Variants in DNAH6 observed in about 807,000 individuals in gnomAD.
DNAH6 encodes axonemal beta dynein heavy chain 6.
Under a neutral mutation model 491.4 loss-of-function variants are expected in DNAH6, and 340 were observed. That is an observed-to-expected ratio of 0.69 (90% confidence interval 0.63 to 0.76). The LOEUF (loss-of-function observed/expected upper bound fraction) is 0.76, where lower values mean the gene tolerates loss of function less well. DNAH6 is among the 30% of genes least tolerant of loss of function. The pLI, the probability that DNAH6 is intolerant of heterozygous loss-of-function variation, is 0.00. For synonymous variants in DNAH6, 1,603 were observed against 1,686.1 expected (o/e 0.95, Z 1.21); for missense variants, 4,443 against 4,972.2 (o/e 0.89, Z 3.20).
chr2:84,589,641 G>A (rs1053797956), intron 16 of DNAH6, among the ~76,000 whole-genome samples: 2 of 151,492 alleles, frequency 1.3e-5, no homozygotes, highest in African/African-American at 4.9e-5. Flanking sequence ...GAGCCCAGGA[G>A]GCGGAGGTTG....
the DNAH6 span, among the ~76,000 whole-genome samples, chr2:84,460,764 C>T: frequency 6.6e-6 from 1 of 152,192 alleles, no homozygotes; most frequent in Non-Finnish European, 1.5e-5. Context: ...AACTGCACCC[C>T]TGTGGCAGAC....
chr2:84,558,437 AAAG>A (rs1036733214), intron 11 of DNAH6, among the ~76,000 whole-genome samples: 7 of 151,970 alleles, frequency 4.6e-5, no homozygotes, highest in African/African-American at 1.7e-4. Context: ...AAAAAAAAAA[AAAG>A]GCATTAAAAT....
chr2:84,699,554 T>C (rs1169306759), intron 47 of DNAH6, 40 bp from the exon 48 acceptor site: 2 of 1,517,134 alleles, frequency 1.3e-6, no homozygotes, highest in East Asian at 2.5e-5. Flanking sequence ...TGTTGCTTAA[T>C]CATTATTTTA....
chr2:84,815,771 A>C, intron 75 of DNAH6, 90 bp from the exon 76 acceptor site: 1 of 907,322 alleles, frequency 1.1e-6, no homozygotes, highest in African/African-American at 1.7e-5. Context: ...TTTTAGAATT[A>C]CCTGGTGAGG....
intron 69 of DNAH6, 79 bp from the exon 70 acceptor site, chr2:84,797,458 C>T (rs1218684239): frequency 2.8e-6 from 4 of 1,430,466 alleles, no homozygotes; most frequent in African/African-American, 1.4e-5. Context: ...CCATCTGCAC[C>T]ACACAAAGAA....
chr2:84,711,100 G>C (rs185581377), intron 56 of DNAH6, among the ~76,000 whole-genome samples: 2 of 152,286 alleles, frequency 1.3e-5, no homozygotes, highest in African/African-American at 4.8e-5. Context: ...AGAGGGAGGG[G>C]AAGAAACTTG....
chr2:84,559,572 A>G (rs1345962686), intron 11 of DNAH6, among the ~76,000 whole-genome samples: 2 of 152,278 alleles, frequency 1.3e-5, no homozygotes, highest in Admixed American at 6.5e-5. Context: ...AAATGAGAGT[A>G]TATCCAACTC....
chr2:84,644,156 G>A (rs1043502607), intron 33 of DNAH6, among the ~76,000 whole-genome samples: 3 of 152,108 alleles, frequency 2.0e-5, no homozygotes, highest in East Asian at 3.9e-4. Flanking sequence ...TCTTCTCCCC[G>A]TTAGGTGGTA....
At chr2:84,525,106 A>G (rs938732879) in intron 2 of DNAH6, among the ~76,000 whole-genome samples, 1 of 152,118 alleles carries the variant, frequency 6.6e-6, no homozygotes, top group African/African-American at 2.4e-5. Context: ...TTTTATTGCC[A>G]TAATTTTCAG....
At chr2:84,750,527 CAT>C (rs1458141316) in intron 63 of DNAH6, among the ~76,000 whole-genome samples, 4 of 152,036 alleles carry the variant, frequency 2.6e-5, no homozygotes, top group African/African-American at 9.7e-5. Context: ...CTTGTAGAAA[CAT>C]ATTGAATTAC....
intron 57 of DNAH6, among the ~76,000 whole-genome samples, chr2:84,714,380 G>A (rs1051457842): frequency 6.6e-5 from 10 of 152,142 alleles, no homozygotes; most frequent in African/African-American, 2.4e-4. Flanking sequence ...TAATTACACA[G>A]CCACTGCCAG....
chr2:84,710,260 T>C, intron 55 of DNAH6, 27 bp from the exon 56 acceptor site: 3 of 1,542,230 alleles, frequency 1.9e-6, no homozygotes, highest in Non-Finnish European at 2.6e-6. Flanking sequence ...CTGAAGCAAA[T>C]GTTCTGCTCT....
chr2:84,757,612 GACTA>G (rs1156849123), intron 63 of DNAH6, among the ~76,000 whole-genome samples: 1 of 152,172 alleles, frequency 6.6e-6, no homozygotes, highest in East Asian at 1.9e-4. Flanking sequence ...TCAAAGAAGT[GACTA>G]ACTAAGATAG....
chr2:84,753,755 TAAAA>T (rs1162541312), intron 63 of DNAH6, among the ~76,000 whole-genome samples: 31 of 77,140 alleles, frequency 4.0e-4, no homozygotes, highest in Non-Finnish European at 4.5e-4. Flanking sequence ...GAAACTCTGT[TAAAA>T]AAAAAAAAAA....
intron 31 of DNAH6, among the ~76,000 whole-genome samples, chr2:84,639,165 G>A (rs1031510034): frequency 7.2e-5 from 11 of 152,246 alleles, no homozygotes; most frequent in Middle Eastern, 6.8e-3. Flanking sequence ...GGGGTGGGGG[G>A]CAGTTAGGAC....
rs1696364077 is a variant in DNAH6 at position 84,705,732 on chromosome 2, G to C, written c.8712G>C (p.Lys2904Asn). 1.3e-6 allele frequency: 2 copies of C among 1,550,164 alleles called. No homozygotes were observed. Among genetic ancestry groups the C allele is most frequent in the Non-Finnish European group, 1.7e-6 (2 of 1,146,508 alleles). ...AGGTCGTCGAACCAAAAAGACAAAA[G>C]CTCCGCGCCGCACAGGTACATTTTC... ...VVKVVEPKRQ[K>N]LRAAQAELDI... Residue 2904 changes from lysine to asparagine, a missense_variant, in exon 52 of 77, where the codon AAG becomes AAC. By Grantham distance (94) the Lys-to-Asn change is moderately conservative (BLOSUM62 0). Transcript: ENST00000389394.
intron 33 of DNAH6, among the ~76,000 whole-genome samples, chr2:84,646,680 C>A (rs1322580679): frequency 6.6e-6 from 1 of 152,162 alleles, no homozygotes; most frequent in Non-Finnish European, 1.5e-5. Flanking sequence ...AAAGCCTAAT[C>A]CAGATCAAGG....
intron 50 of DNAH6, 22 bp downstream of exon 50, chr2:84,703,584 T>G (rs572956441): frequency 2.0e-5 from 31 of 1,528,850 alleles, no homozygotes; most frequent in Non-Finnish European, 2.7e-5. Context: ...TTCCTGAGAA[T>G]GTGGAAAAGG....
chr2:84,516,117 G>A (rs1404789085), upstream of DNAH6, among the ~76,000 whole-genome samples: 2 of 152,186 alleles, frequency 1.3e-5, no homozygotes, highest in African/African-American at 4.8e-5. Context: ...GACTCTTTCG[G>A]ATAAATTTCT....
Sources: gnomAD v4.1 joint callset for allele counts (sites outside exome capture counted in the v4.1 genomes callset) on GRCh38, gnomAD v4.1.1 for gene constraint, MANE v1.5 for transcripts, NCBI Gene and HGNC (gene_info 2026-07-23, HGNC 2026-07-21) for gene names.